Variants in SLC6A4 observed in about 807,000 individuals in gnomAD.
The protein encoded by SLC6A4 is sodium-dependent serotonin transporter.
In SLC6A4, 22 loss-of-function variants were observed where a neutral mutation model predicts 73.4. The ratio of observed to expected loss-of-function variants is 0.30; its 90% CI spans 0.21 to 0.43. The LOEUF (loss-of-function observed/expected upper bound fraction) is 0.43, where lower values mean the gene tolerates loss of function less well. Ranked by LOEUF, SLC6A4 falls within the 20% of genes least tolerant of loss-of-function variation. The pLI, the probability that SLC6A4 is intolerant of heterozygous loss-of-function variation, is 1.00. For missense variants in SLC6A4, 593 were observed against 808.5 expected (o/e 0.73, Z 3.23); for synonymous variants, 270 against 315.5 (o/e 0.86, Z 1.53).
chr17:30,221,467 CACA>C, intron 3 of SLC6A4, 146 bp downstream of exon 3: 2 of 619,826 alleles, frequency 3.2e-6, no homozygotes, highest in Non-Finnish European at 5.6e-6. Flanking sequence ...CACCCCAGGT[CACA>C]GCCCACCCGG....
At chr17:30,229,098 T>C (rs957149603) in intron 1 of SLC6A4, among the ~76,000 whole-genome samples, 6 of 152,176 alleles carry the variant, frequency 3.9e-5, no homozygotes, top group East Asian at 3.8e-4. Flanking sequence ...ATCGGGAAGA[T>C]TGGCTGTGCA....
At chr17:30,230,098 G>GAAGAGGAAGAGGAAGAGGAA (rs1555591454) in intron 1 of SLC6A4, among the ~76,000 whole-genome samples, 1 of 89,558 alleles carries the variant, frequency 1.1e-5, no homozygotes, top group African/African-American at 4.5e-5. Flanking sequence ...AAGAAGAAGA[G>GAAGAGGAAGAGGAAGAGGAA]GAGGAAGAGG....
chr17:30,223,910 A>T (rs993524115), intron 1 of SLC6A4, among the ~76,000 whole-genome samples: 1 of 151,968 alleles, frequency 6.6e-6, no homozygotes, highest in African/African-American at 2.4e-5. Flanking sequence ...AAATAACCAC[A>T]CATCCTCTCA....
At chr17:30,229,203 T>C (rs9892034) in intron 1 of SLC6A4, among the ~76,000 whole-genome samples, 3,027 of 152,326 alleles carry the variant, frequency 0.02, 112 homozygotes, top group African/African-American at 0.068. Flanking sequence ...GAGCCCGGGA[T>C]GGGCTTTCAG....
chr17:30,221,355 A>T lies in SLC6A4; in HGVS notation c.343+261T>A, dbSNP rs189801214. 9.2e-5 allele frequency among the ~76,000 whole-genome samples: 14 copies of T among 152,174 alleles called. No homozygotes were observed. The East Asian group carries it at 2.5e-3, about 27-fold the overall frequency. On this transcript the variant is annotated intron_variant, in intron 3 of 14. Coordinates refer to ENST00000650711, the MANE Select transcript of SLC6A4 (RefSeq NM_001045.6). Reference sequence around the variant, plus strand: ...ACGCCAGTGAAGACTGAAAAGACATAATCTGTCTTCTGGCCTCTCAAGAGG... The same window carrying T: ...ACGCCAGTGAAGACTGAAAAGACATTATCTGTCTTCTGGCCTCTCAAGAGG...
chr17:30,229,389 C>T (rs780399908), intron 1 of SLC6A4, among the ~76,000 whole-genome samples: 34 of 152,078 alleles, frequency 2.2e-4, no homozygotes, highest in African/African-American at 5.6e-4. Flanking sequence ...TGCTACACGA[C>T]GGCTTAGGGG....
intron 11 of SLC6A4, among the ~76,000 whole-genome samples, chr17:30,209,555 G>A (rs907743377): frequency 1.3e-5 from 2 of 151,524 alleles, no homozygotes; most frequent in African/African-American, 4.9e-5. Context: ...GCTGAGGCGG[G>A]AGAATTGCTT....
rs1000481779 is a variant in SLC6A4, at chr17:30,209,129, A to G, written c.1549+14T>C. On this transcript the variant is annotated intron_variant, in intron 12 of 14. Transcript: ENST00000650711. ...GTGTAGAAGGGACCCAGCTGGCTGA[A>G]GGAAGCGTCTTACCATAGAACCAAG... 3.8e-6 allele frequency: 6 copies of G among 1,593,750 alleles called. 1 individual carries two copies. The highest frequency in any genetic ancestry group is 1.7e-4 in the Middle Eastern group (1 of 6,030).
intron 13 of SLC6A4, among the ~76,000 whole-genome samples, chr17:30,205,327 A>G (rs915393492): frequency 2.6e-5 from 4 of 152,178 alleles, no homozygotes; most frequent in African/African-American, 9.7e-5. Context: ...GGGAATAAAT[A>G]TGGAAGTAAA....
In SLC6A4 at chr17:30,220,744, CA is replaced by C. The variant is rs531477399; in HGVS notation, c.343+871del. Among the ~76,000 whole-genome samples, 761 of 152,246 alleles carry C rather than the reference CA, an allele frequency of 5.0e-3. 4 individuals are homozygous for C. Among genetic ancestry groups the C allele is most frequent in the African/African-American group, 0.018 (733 of 41,532 alleles). ...GTGGACTCTTCCCAGCAGAACTTGC[CA>C]GCAGGAGTGAAGGGACTCAGCACAG... is the stretch of plus-strand genomic sequence containing the variant. On this transcript the variant is annotated intron_variant, in intron 3 of 14. Transcript: ENST00000650711.
chr17:30,203,372 C>A (rs149889394), intron 13 of SLC6A4, 33 bp from the exon 14 acceptor site: 1 of 1,584,678 alleles, frequency 6.3e-7, no homozygotes. Context: ...CATTAAAAAC[C>A]TTAACAATAT....
chr17:30,219,111 G>A (rs1287629719), intron 3 of SLC6A4, among the ~76,000 whole-genome samples, 180 bp from the exon 4 acceptor site: 1 of 152,166 alleles, frequency 6.6e-6, no homozygotes, highest in South Asian at 2.1e-4. Flanking sequence ...GTCGTAGGGG[G>A]AGCACCATGA....
Position 30,195,232 on chromosome 17 carries a change from G to A in SLC6A4, c.*3224C>T, listed in dbSNP as rs1255811463. 1 of 152,114 alleles carries A rather than the reference G, an allele frequency of 6.6e-6. No individual in the cohort carries two copies. Among genetic ancestry groups the A allele is most frequent in the African/African-American group, 2.4e-5 (1 of 41,436 alleles). The allele number at this position is 152,114 out of a possible 1,614,324, so 9.4% of individuals were successfully genotyped here. A position where few individuals can be genotyped will look rare whatever the true frequency, so the allele number is the denominator to read the frequency against. ...CTAAAATATTTATCTTTTCTATCGT[G>A]GTATTAAACCAATTGAGAGGGTTTT... On this transcript the variant is annotated 3_prime_UTR_variant, in exon 15 of 15. Transcript: ENST00000650711.
Position 30,198,529 on chromosome 17 carries a change from C to T in SLC6A4, c.1820G>A (p.Arg607His), listed in dbSNP as rs757900848. The T allele has an allele frequency of 1.0e-5, 16 of 1,561,982 alleles. No individual in the cohort carries two copies. The highest frequency in any genetic ancestry group is 1.7e-5 in the Admixed American group (1 of 58,912). The stretch of plus-strand genomic sequence containing the variant: ...TTCTGGGGTAATACTTTTAATAATA[C>T]GCTATTGGGAAGAAAATACAATGTT... ...LIITPGTFKE[R>H]IIKSITPETP... The change falls in exon 15 of 15, where the codon CGT becomes CAT. Residue 607 changes from arginine (R) to histidine (H), a missense_variant and splice_region_variant. Arg to His is a conservative substitution (Grantham distance 29, BLOSUM62 0). Coordinates refer to ENST00000650711, the MANE Select transcript of SLC6A4 (RefSeq NM_001045.6).
chr17:30,223,789 A>T (rs989644595), intron 1 of SLC6A4, among the ~76,000 whole-genome samples: 2 of 152,024 alleles, frequency 1.3e-5, no homozygotes, highest in Admixed American at 6.6e-5. Context: ...GAATTCTGAC[A>T]AGAGCGGTCT....
intron 1 of SLC6A4, among the ~76,000 whole-genome samples, chr17:30,224,186 T>C (rs1463032544): frequency 1.3e-5 from 2 of 151,638 alleles, no homozygotes; most frequent in African/African-American, 4.8e-5. Flanking sequence ...ACAGAGCTGC[T>C]CCTTCCCTTG....
chr17:30,200,668 T>C lies in SLC6A4; in HGVS notation c.1819-2138A>G, dbSNP rs181345498. On this transcript the variant is annotated intron_variant, in intron 14 of 14. Transcript: ENST00000650711. ...ATTCATAAAGAATTGTGAAGAATTC[T>C]AGACCTTTGGCAAAAAACACAGCAT... 2.4e-3 allele frequency among the ~76,000 whole-genome samples: 367 copies of C among 152,356 alleles called. 2 individuals are homozygous for C. The highest frequency in any genetic ancestry group is 3.4e-3 in the Non-Finnish European group (233 of 68,040).
At chr17:30,224,182 C>T (rs1444446341) in intron 1 of SLC6A4, among the ~76,000 whole-genome samples, 1 of 151,432 alleles carries the variant, frequency 6.6e-6, no homozygotes, top group African/African-American at 2.4e-5. Context: ...GTTGACAGAG[C>T]TGCTCCTTCC....
intron 13 of SLC6A4, among the ~76,000 whole-genome samples, chr17:30,205,103 A>G (rs1906151041): frequency 6.6e-6 from 1 of 152,242 alleles, no homozygotes; most frequent in Non-Finnish European, 1.5e-5. Context: ...AGTACGATGT[A>G]CAAGTACAGG....
Sources: allele counts gnomAD v4.1 joint callset (sites outside exome capture counted in the v4.1 genomes callset), GRCh38; gene constraint gnomAD v4.1.1; transcripts MANE v1.5; gene names NCBI Gene and HGNC (gene_info 2026-07-23, HGNC 2026-07-21).